ERC2: variants seen among roughly 807,000 people sequenced by gnomAD.
ERC2 encodes the protein ELKS/RAB6-interacting/CAST family member 2.
In ERC2, 42 loss-of-function variants were observed where a neutral mutation model predicts 114.8. The ratio of observed to expected loss-of-function variants is 0.37; its 90% CI spans 0.29 to 0.47. The LOEUF is 0.47. ERC2 is among the 20% of genes least tolerant of loss of function. The pLI is 0.99. For missense variants in ERC2, 939 were observed against 1,150.7 expected, an observed-to-expected ratio of 0.82 and a Z score of 2.66; for synonymous variants, 454 against 425.5, an observed-to-expected ratio of 1.07 and a Z score of -0.82.
intron 7 of ERC2, among the ~76,000 whole-genome samples, chr3:56,022,582 A>C (rs1017268301): frequency 6.6e-6 from 1 of 152,146 alleles, no homozygotes; most frequent in South Asian, 2.1e-4. Flanking sequence ...CAGTTTTCTC[A>C]TGTTCACAAA....
Position 56,236,014 on chromosome 3 carries a change from TC to T in ERC2, c.1074+60004del, listed in dbSNP as rs2050920809. ...GGATCTGGGAATTCAAAGAACACTC[TC>T]CTGTGGAAGTGACCAGAAAGGTGGG... On this transcript the variant is annotated intron_variant, in intron 3 of 17. Coordinates refer to ENST00000288221, the MANE Select transcript of ERC2 (RefSeq NM_015576.3). Among the ~76,000 whole-genome samples, 7 of 152,300 alleles carry T rather than the reference TC, an allele frequency of 4.6e-5. No homozygotes were observed. The South Asian group carries it at 1.5e-3, about 32-fold the overall frequency.
At chr3:55,739,388 C>T (rs1304077311) in intron 14 of ERC2, among the ~76,000 whole-genome samples, 1 of 152,174 alleles carries the variant, frequency 6.6e-6, no homozygotes, top group Non-Finnish European at 1.5e-5. Flanking sequence ...AGTGCAAAAG[C>T]CTTCCTATTT....
At chr3:56,033,263 T>A (rs184272901) in intron 7 of ERC2, among the ~76,000 whole-genome samples, 2 of 152,230 alleles carry the variant, frequency 1.3e-5, no homozygotes, top group Admixed American at 1.3e-4. Flanking sequence ...CTGGGTGTGG[T>A]GGTGCATGCC....
chr3:55,982,716 T>C (rs907040600), intron 12 of ERC2, among the ~76,000 whole-genome samples: 2 of 152,190 alleles, frequency 1.3e-5, no homozygotes, highest in Non-Finnish European at 2.9e-5. Flanking sequence ...ACTCACTATA[T>C]ATTTGTGGAG....
intron 17 of ERC2, among the ~76,000 whole-genome samples, chr3:55,636,853 G>T (rs946684662): frequency 1.3e-5 from 2 of 152,210 alleles, no homozygotes; most frequent in African/African-American, 4.8e-5. Flanking sequence ...AACCAGACCT[G>T]ATTTGCAAAA....
intron 7 of ERC2, among the ~76,000 whole-genome samples, chr3:56,028,087 C>A (rs1157416312): frequency 6.6e-6 from 1 of 152,062 alleles, no homozygotes. Flanking sequence ...TGCTTTTGCA[C>A]TTTTGTAAAA....
At chr3:55,609,831 T>C (rs2058810444) in intron 17 of ERC2, among the ~76,000 whole-genome samples, 2 of 152,086 alleles carry the variant, frequency 1.3e-5, no homozygotes, top group South Asian at 2.1e-4. Context: ...TTTTTGGTCC[T>C]CTGCTTTGGT....
intron 14 of ERC2, among the ~76,000 whole-genome samples, chr3:55,883,933 CA>C (rs2063244026): frequency 6.7e-6 from 1 of 149,432 alleles, no homozygotes; most frequent in Non-Finnish European, 1.5e-5. Context: ...AACAACACCA[CA>C]AAACTGGAGA....
chr3:56,103,665 C>T (rs1487166811), intron 6 of ERC2, among the ~76,000 whole-genome samples: 2 of 152,064 alleles, frequency 1.3e-5, no homozygotes, highest in African/African-American at 4.8e-5. Context: ...GTCTCCACAA[C>T]AAAGAATTAT....
intron 16 of ERC2, among the ~76,000 whole-genome samples, chr3:55,694,133 C>T (rs1246834807): frequency 6.6e-6 from 1 of 152,202 alleles, no homozygotes; most frequent in African/African-American, 2.4e-5. Context: ...GTTGTGCAAT[C>T]ATAAATACAC....
rs550616634 is a variant in ERC2 at position 55,668,248 on chromosome 3, T to C, written c.*39+15546A>G. 2.4e-4 allele frequency among the ~76,000 whole-genome samples: 36 copies of C among 152,294 alleles called. No individual in the cohort carries two copies. In the South Asian group the frequency reaches 5.4e-3, roughly 23 times the overall value. The stretch of plus-strand genomic sequence containing the variant: ...TGGGTCTGAATAACCCCTTGCTATA[T>C]CAGATAGCTAGCGGTGGCCACATAA... On this transcript the variant is annotated intron_variant, in intron 17 of 17. Transcript: ENST00000288221.
At chr3:56,398,386 T>G (rs1301895316) in intron 2 of ERC2, among the ~76,000 whole-genome samples, 1 of 152,168 alleles carries the variant, frequency 6.6e-6, no homozygotes, top group African/African-American at 2.4e-5. Flanking sequence ...AAAGTAGGGT[T>G]GCCAGATAAA....
At chr3:56,049,755 A>T (rs2075667593) in intron 7 of ERC2, among the ~76,000 whole-genome samples, 1 of 151,940 alleles carries the variant, frequency 6.6e-6, no homozygotes, top group South Asian at 2.1e-4. Flanking sequence ...CAGCTTGCAG[A>T]TGGACTATTG....
At chr3:55,640,712 C>A (rs771186118) in intron 17 of ERC2, among the ~76,000 whole-genome samples, 4 of 152,172 alleles carry the variant, frequency 2.6e-5, no homozygotes, top group Non-Finnish European at 5.9e-5. Context: ...ATTTTCCACT[C>A]CCCAGATGGA....
At chr3:55,800,999 C>T (rs2071004879) in intron 14 of ERC2, among the ~76,000 whole-genome samples, 1 of 152,156 alleles carries the variant, frequency 6.6e-6, no homozygotes, top group East Asian at 1.9e-4. Flanking sequence ...TCCTTTTGGG[C>T]CTAGAAGCAG....
chr3:55,845,503 C>CAAAAAAAA (rs764740068), intron 14 of ERC2, among the ~76,000 whole-genome samples: 116 of 63,966 alleles, frequency 1.8e-3, no homozygotes, highest in Non-Finnish European at 2.8e-3. Flanking sequence ...GACTCCGTCT[C>CAAAAAAAA]AAAAAAAAAA....
At chr3:56,371,822 T>C (rs1204872394) in intron 2 of ERC2, among the ~76,000 whole-genome samples, 11 of 152,346 alleles carry the variant, frequency 7.2e-5, no homozygotes, top group Non-Finnish European at 1.6e-4. Flanking sequence ...ATGACTCCCA[T>C]GCCATCACCC....
At chr3:55,906,501 A>G (rs1266547642) in intron 13 of ERC2, among the ~76,000 whole-genome samples, 1 of 151,884 alleles carries the variant, frequency 6.6e-6, no homozygotes, top group East Asian at 1.9e-4. Context: ...TCACCTGGAA[A>G]TGTATTTGAA....
At chr3:55,584,395 T>C (rs541910300) in intron 17 of ERC2, among the ~76,000 whole-genome samples, 50 of 152,318 alleles carry the variant, frequency 3.3e-4, no homozygotes, top group African/African-American at 1.2e-3. Context: ...CATTCAACAA[T>C]GGCTGCTATG....
Sources: allele counts gnomAD v4.1 joint callset (sites outside exome capture counted in the v4.1 genomes callset), GRCh38; gene constraint gnomAD v4.1.1; transcripts MANE v1.5; gene names NCBI Gene and HGNC (gene_info 2026-07-23, HGNC 2026-07-21).